Variants in CLSTN2 observed in about 807,000 individuals in gnomAD.
CLSTN2 encodes calsyntenin 2.
Under a neutral mutation model 101.2 loss-of-function variants are expected in CLSTN2, and 48 were observed. That is an observed-to-expected ratio of 0.47 (90% CI 0.38 to 0.60). CLSTN2 has a LOEUF of 0.60. Among genes scored for constraint, CLSTN2 ranks in the 20% least tolerant of loss-of-function variants. CLSTN2 has a pLI of 0.00. For synonymous variants in CLSTN2, 481 were observed against 463.6 expected (o/e 1.04, Z -0.48); for missense variants, 1,160 against 1,238.2 (o/e 0.94, Z 0.95).
chr3:140,435,740 T>C (rs1278877406), intron 5 of CLSTN2, among the ~76,000 whole-genome samples: 1 of 152,234 alleles, frequency 6.6e-6, no homozygotes, highest in African/African-American at 2.4e-5. Context: ...TGTTGTTGCC[T>C]GTCTTTTGGA....
chr3:140,244,598 C>T (rs1284997568), intron 2 of CLSTN2, among the ~76,000 whole-genome samples: 1 of 152,182 alleles, frequency 6.6e-6, no homozygotes, highest in Non-Finnish European at 1.5e-5. Context: ...CTGGCACATA[C>T]ATAATAGCTG....
At chr3:140,275,115 T>C (rs1020772975) in intron 2 of CLSTN2, among the ~76,000 whole-genome samples, 1 of 152,156 alleles carries the variant, frequency 6.6e-6, no homozygotes, top group Non-Finnish European at 1.5e-5. Context: ...TTTCCTAGCC[T>C]CAGATCGGGG....
At chr3:140,179,572 G>A (rs1559799722) in intron 2 of CLSTN2, among the ~76,000 whole-genome samples, 3 of 131,456 alleles carry the variant, frequency 2.3e-5, no homozygotes, top group African/African-American at 8.4e-5. Flanking sequence ...AGTTGAGGCT[G>A]CAGTGAGCTG....
At chr3:140,117,780 A>G (rs1004903371) in intron 1 of CLSTN2, among the ~76,000 whole-genome samples, 4 of 152,112 alleles carry the variant, frequency 2.6e-5, no homozygotes, top group African/African-American at 9.7e-5. Flanking sequence ...ACAGATGGGA[A>G]AACCAGGGAG....
chr3:140,120,508 C>A (rs528020847), intron 1 of CLSTN2, among the ~76,000 whole-genome samples: 3 of 152,228 alleles, frequency 2.0e-5, no homozygotes, highest in African/African-American at 7.2e-5. Context: ...TTGATTAAGC[C>A]ATTGGCCACT....
At chr3:140,164,180 G>T (rs918990831) in intron 1 of CLSTN2, among the ~76,000 whole-genome samples, 3 of 152,034 alleles carry the variant, frequency 2.0e-5, no homozygotes, top group Admixed American at 2.0e-4. Context: ...TATTCGAAAT[G>T]ATCTTTTTCT....
chr3:139,938,215 T>C (rs1576369982), intron 1 of CLSTN2, among the ~76,000 whole-genome samples: 1 of 151,746 alleles, frequency 6.6e-6, no homozygotes, highest in Non-Finnish European at 1.5e-5. Flanking sequence ...CGTACAATTC[T>C]GTATTCATGT....
intron 3 of CLSTN2, among the ~76,000 whole-genome samples, chr3:140,404,191 G>C (rs1297726486): frequency 6.6e-6 from 1 of 152,228 alleles, no homozygotes; most frequent in Non-Finnish European, 1.5e-5. Flanking sequence ...TTCACTGTGG[G>C]TTGTCACTGC....
chr3:139,967,987 CTG>C (rs34743059), intron 1 of CLSTN2, among the ~76,000 whole-genome samples: 14 of 150,474 alleles, frequency 9.3e-5, no homozygotes, highest in South Asian at 8.4e-4. Flanking sequence ...ATATGTGTGT[CTG>C]TGTGTGTGTG....
At chr3:140,387,454 C>T (rs975649624) in intron 2 of CLSTN2, among the ~76,000 whole-genome samples, 1 of 152,212 alleles carries the variant, frequency 6.6e-6, no homozygotes, top group African/African-American at 2.4e-5. Context: ...CTTTCTGCTT[C>T]CACAGGTTCC....
At chr3:140,227,211 G>C (rs994683986) in intron 2 of CLSTN2, among the ~76,000 whole-genome samples, 1 of 152,190 alleles carries the variant, frequency 6.6e-6, no homozygotes, top group East Asian at 1.9e-4. Context: ...TTACTTCCTA[G>C]ATACAATGGG....
intron 6 of CLSTN2, among the ~76,000 whole-genome samples, chr3:140,453,445 A>T (rs1383587837): frequency 2.6e-5 from 4 of 152,222 alleles, no homozygotes; most frequent in Non-Finnish European, 4.4e-5. Flanking sequence ...TCCTGCACAA[A>T]TTTATTAATT....
intron 2 of CLSTN2, among the ~76,000 whole-genome samples, chr3:140,225,078 T>A (rs72988174): frequency 0.032 from 4,891 of 152,322 alleles, 241 homozygotes; most frequent in African/African-American, 0.11. Flanking sequence ...CAACTCACAA[T>A]GGAGCATCAG....
chr3:140,546,808 G>T lies in CLSTN2; in HGVS notation c.1674+127G>T, dbSNP rs1004535090. ...ACACAGAAATGGCAACAAGGCAAAGGTGCAGCCACGAGATGGGGGTTCCGG... is the reference window on the plus strand; with the variant it reads ...ACACAGAAATGGCAACAAGGCAAAGTTGCAGCCACGAGATGGGGGTTCCGG... On this transcript the variant is annotated intron_variant, in intron 10 of 16. Coordinates refer to ENST00000458420, the MANE Select transcript of CLSTN2 (RefSeq NM_022131.3). 9.4e-6 allele frequency: 8 copies of T among 850,508 alleles called. No homozygotes were observed. The Admixed American group carries it at 2.2e-4, about 23-fold the overall frequency. The allele number at this position is 850,508 out of a possible 1,614,324, so 52.7% of individuals were successfully genotyped here.
intron 2 of CLSTN2, among the ~76,000 whole-genome samples, chr3:140,359,380 G>T (rs544583428): frequency 6.6e-6 from 1 of 152,290 alleles, no homozygotes; most frequent in East Asian, 1.9e-4. Context: ...TAGCTCTTCT[G>T]CTCTAAATTT....
chr3:140,167,739 T>C (rs967286006), intron 1 of CLSTN2, among the ~76,000 whole-genome samples: 1 of 152,114 alleles, frequency 6.6e-6, no homozygotes, highest in African/African-American at 2.4e-5. Flanking sequence ...CCACTACTGA[T>C]CTGTTATCTG....
intron 1 of CLSTN2, among the ~76,000 whole-genome samples, chr3:139,986,497 G>T (rs917782910): frequency 8.5e-5 from 13 of 152,146 alleles, no homozygotes; most frequent in African/African-American, 3.1e-4. Flanking sequence ...TATAGGGAGG[G>T]TGTTTGTTCA....
rs139281604 is a variant in CLSTN2 at position 140,420,248 on chromosome 3, C to T, written c.638-877C>T. On this transcript the variant is annotated intron_variant, in intron 4 of 16. Transcript: ENST00000458420. Reference sequence around the variant, plus strand: ...TTTTTAAAATTTAGTTTCTGGTAAACGATGATAACATTTGAGTTCTAATTT... The same window carrying T: ...TTTTTAAAATTTAGTTTCTGGTAAATGATGATAACATTTGAGTTCTAATTT... Among the ~76,000 whole-genome samples the T allele has an allele frequency of 9.8e-3, 1,461 of 149,702 alleles. 14 individuals are homozygous for T. The highest frequency in any genetic ancestry group is 0.016 in the Non-Finnish European group (1,062 of 67,622).
chr3:140,516,008 G>A (rs142103413), intron 8 of CLSTN2, among the ~76,000 whole-genome samples: 5 of 152,046 alleles, frequency 3.3e-5, no homozygotes, highest in Admixed American at 6.5e-5. Context: ...TATAAATTTC[G>A]AAGCTGCAGT....
Sources: gnomAD v4.1 joint callset for allele counts (sites outside exome capture counted in the v4.1 genomes callset) on GRCh38, gnomAD v4.1.1 for gene constraint, MANE v1.5 for transcripts, NCBI Gene and HGNC (gene_info 2026-07-23, HGNC 2026-07-21) for gene names.